IQCM: variants seen among roughly 807,000 people sequenced by gnomAD.
IQCM encodes IQ motif containing M.
IQCM carries 45 observed loss-of-function variants against 57.6 expected under a neutral mutation model. The observed-to-expected ratio is 0.78, with a 90% CI of 0.62 to 1.00. IQCM has a LOEUF of 1.00. Among genes scored for constraint, IQCM ranks in the 50% least tolerant of loss-of-function variants. The probability of loss-of-function intolerance (pLI) is 0.00; values close to 1 mark genes in which losing one functional copy is unlikely to be tolerated. For missense variants in IQCM, 468 were observed against 511.6 expected, an observed-to-expected ratio of 0.91 and a Z score of 0.82; for synonymous variants, 148 against 158.9, an observed-to-expected ratio of 0.93 and a Z score of 0.51.
chr4:149,436,983 T>G (rs1201261377), intron 12 of IQCM, among the ~76,000 whole-genome samples: 1 of 152,112 alleles, frequency 6.6e-6, no homozygotes, highest in Non-Finnish European at 1.5e-5. Context: ...TTGCTGACAA[T>G]CCTATGAGGT....
intron 5 of IQCM, among the ~76,000 whole-genome samples, chr4:149,720,870 C>T (rs565110439): frequency 6.6e-6 from 1 of 152,072 alleles, no homozygotes; most frequent in Non-Finnish European, 1.5e-5. Context: ...TTTCAAATTC[C>T]AAGACTTCAA....
At chr4:149,631,157 A>T (rs1404832603) in intron 7 of IQCM, among the ~76,000 whole-genome samples, 2 of 152,182 alleles carry the variant, frequency 1.3e-5, no homozygotes, top group Non-Finnish European at 2.9e-5. Flanking sequence ...GGTATACAAC[A>T]CTTTACACAT....
chr4:149,365,346 T>C (rs1319641575), intron 13 of IQCM, among the ~76,000 whole-genome samples: 1 of 152,106 alleles, frequency 6.6e-6, no homozygotes, highest in Non-Finnish European at 1.5e-5. Flanking sequence ...CAGTATTAGA[T>C]TAGAATTCAA....
chr4:149,559,466 T>C (rs2149926213), intron 10 of IQCM, among the ~76,000 whole-genome samples: 1 of 152,220 alleles, frequency 6.6e-6, no homozygotes, highest in African/African-American at 2.4e-5. Flanking sequence ...CCTCTCAGCC[T>C]CCCAGTATAC....
At chr4:149,546,592 G>A (rs2149891124) in intron 12 of IQCM, among the ~76,000 whole-genome samples, 1 of 152,248 alleles carries the variant, frequency 6.6e-6, no homozygotes, top group African/African-American at 2.4e-5. Flanking sequence ...ATTTTTTCAA[G>A]TGTCTTTTGG....
chr4:149,614,105 C>G (rs540887847), intron 8 of IQCM, among the ~76,000 whole-genome samples: 2 of 152,038 alleles, frequency 1.3e-5, no homozygotes, highest in Non-Finnish European at 2.9e-5. Context: ...TTATTCTCCT[C>G]TCTCATGTAG....
chr4:149,712,756 C>G (rs547096994), intron 5 of IQCM, among the ~76,000 whole-genome samples: 1 of 152,240 alleles, frequency 6.6e-6, no homozygotes, highest in East Asian at 1.9e-4. Flanking sequence ...TTGAATTCTG[C>G]CCCCAGTCAT....
At chr4:149,605,168 G>A (rs776025336) in intron 8 of IQCM, among the ~76,000 whole-genome samples, 1 of 152,156 alleles carries the variant, frequency 6.6e-6, no homozygotes, top group Non-Finnish European at 1.5e-5. Context: ...GAATTGGGTT[G>A]AATATTTTGG....
At chr4:149,361,794 G>A (rs1729509855) in intron 13 of IQCM, among the ~76,000 whole-genome samples, 3 of 152,196 alleles carry the variant, frequency 2.0e-5, no homozygotes, top group Admixed American at 6.5e-5. Flanking sequence ...TGTGGGGTTA[G>A]AGCCCCCACA....
intron 12 of IQCM, among the ~76,000 whole-genome samples, chr4:149,445,356 T>C (rs1736394901): frequency 6.6e-6 from 1 of 152,016 alleles, no homozygotes; most frequent in East Asian, 1.9e-4. Flanking sequence ...CATCCTTCAG[T>C]TTTAGACATA....
intron 7 of IQCM, among the ~76,000 whole-genome samples, chr4:149,664,399 T>G (rs1028820913): frequency 8.5e-5 from 13 of 152,152 alleles, no homozygotes; most frequent in Admixed American, 2.0e-4. Context: ...TTGATATCTG[T>G]GCATCCAATG....
chr4:149,497,159 G>T (rs1003485711), intron 12 of IQCM, among the ~76,000 whole-genome samples: 1 of 152,052 alleles, frequency 6.6e-6, no homozygotes. Flanking sequence ...TTCAAAGAAT[G>T]CTCTGAGTGA....
intron 3 of IQCM, among the ~76,000 whole-genome samples, chr4:149,736,729 T>C (rs1202680845): frequency 6.6e-6 from 1 of 152,210 alleles, no homozygotes; most frequent in African/African-American, 2.4e-5. Context: ...AACCCTCAAG[T>C]ATTGCTGGTG....
intron 12 of IQCM, among the ~76,000 whole-genome samples, chr4:149,530,418 G>A (rs1405807203): frequency 6.6e-6 from 1 of 152,082 alleles, no homozygotes; most frequent in Non-Finnish European, 1.5e-5. Context: ...TAGTGAATGG[G>A]AGAGAAAACT....
At chr4:149,355,670 T>A (rs1206429340) in intron 13 of IQCM, among the ~76,000 whole-genome samples, 1 of 152,192 alleles carries the variant, frequency 6.6e-6, no homozygotes, top group Non-Finnish European at 1.5e-5. Context: ...TGATTCCAAG[T>A]CTTTGCTATT....
intron 13 of IQCM, among the ~76,000 whole-genome samples, chr4:149,420,036 T>C (rs1298638282): frequency 6.6e-6 from 1 of 152,152 alleles, no homozygotes; most frequent in East Asian, 1.9e-4. Flanking sequence ...CTTTTTACAC[T>C]GTTGGTGGGA....
At chr4:149,716,503 C>A (rs1342834677) in intron 5 of IQCM, among the ~76,000 whole-genome samples, 1 of 152,168 alleles carries the variant, frequency 6.6e-6, no homozygotes, top group African/African-American at 2.4e-5. Flanking sequence ...TAGGCAGCTG[C>A]AGCTGCGCCA....
chr4:149,587,081 C>T (rs893356263), intron 9 of IQCM, among the ~76,000 whole-genome samples: 1 of 151,758 alleles, frequency 6.6e-6, no homozygotes, highest in African/African-American at 2.4e-5. Flanking sequence ...TCCTAATCAA[C>T]TTTTAGTCAT....
intron 5 of IQCM, among the ~76,000 whole-genome samples, chr4:149,719,216 T>A (rs1223834746): frequency 1.3e-5 from 2 of 151,852 alleles, no homozygotes; most frequent in African/African-American, 2.4e-5. Context: ...TGGTGGCACA[T>A]GCCTGTAATC....
Sources: allele counts gnomAD v4.1 joint callset (sites outside exome capture counted in the v4.1 genomes callset), GRCh38; gene constraint gnomAD v4.1.1; transcripts MANE v1.5; gene names NCBI Gene and HGNC (gene_info 2026-07-23, HGNC 2026-07-21).